CDYL: variants seen among roughly 807,000 people sequenced by gnomAD.
CDYL encodes chromodomain Y-like protein.
CDYL carries 8 observed loss-of-function variants against 47.3 expected under a neutral mutation model. The ratio of observed to expected loss-of-function variants is 0.17; its 90% CI spans 0.10 to 0.31. CDYL has a LOEUF of 0.31. Ranked by LOEUF, CDYL falls within the 10% of genes least tolerant of loss-of-function variation. The pLI is 1.00. For synonymous variants in CDYL, 266 were observed against 265.0 expected (o/e 1.00, Z -0.04); for missense variants, 471 against 701.4 (o/e 0.67, Z 3.71).
intron 1 of CDYL, among the ~76,000 whole-genome samples, chr6:4,835,883 A>G (rs1411012043): frequency 6.6e-6 from 1 of 152,222 alleles, no homozygotes; most frequent in African/African-American, 2.4e-5. Context: ...CCTCCGAGCC[A>G]GGTGCGGGAT....
At chr6:4,772,960 G>C (rs1212044962), upstream of CDYL, 1 of 365,408 alleles carries the variant, frequency 2.7e-6, no homozygotes, top group Non-Finnish European at 5.4e-6. Flanking sequence ...GCAGATTCTT[G>C]GGAGAAAGGA....
intron 1 of CDYL, chr6:4,714,103 G>A (rs1388114208): frequency 1.3e-5 from 2 of 152,152 alleles, no homozygotes; most frequent in African/African-American, 2.4e-5. Context: ...GAGGGTTGGA[G>A]AGTTAGGTCA....
chr6:4,798,727 A>G (rs974221465), intron 1 of CDYL, among the ~76,000 whole-genome samples: 1 of 152,188 alleles, frequency 6.6e-6, no homozygotes, highest in Non-Finnish European at 1.5e-5. Context: ...AATTGAATGT[A>G]TTGTACTGGT....
chr6:4,875,190 G>A (rs1240633667), intron 1 of CDYL, among the ~76,000 whole-genome samples: 2 of 152,216 alleles, frequency 1.3e-5, no homozygotes, highest in Admixed American at 6.5e-5. Context: ...CAGCACTGAC[G>A]TTTTTCTTTA....
At chr6:4,950,823 T>G (rs536482961) in intron 5 of CDYL, among the ~76,000 whole-genome samples, 2 of 151,388 alleles carry the variant, frequency 1.3e-5, no homozygotes, top group South Asian at 2.1e-4. Flanking sequence ...TCCCAGCTAC[T>G]CACGAGGCTG....
intron 2 of CDYL, among the ~76,000 whole-genome samples, chr6:4,924,951 G>A (rs888167637): frequency 6.6e-6 from 1 of 152,134 alleles, no homozygotes; most frequent in Non-Finnish European, 1.5e-5. Context: ...CAATAAATAC[G>A]ATACATTATC....
chr6:4,936,828 G>A (rs767211527), intron 3 of CDYL, among the ~76,000 whole-genome samples: 9 of 151,300 alleles, frequency 5.9e-5, no homozygotes, highest in Non-Finnish European at 1.0e-4. Flanking sequence ...TTATCTAAGA[G>A]CCGCAATTTG....
chr6:4,909,199 C>T (rs1302512330), intron 2 of CDYL, among the ~76,000 whole-genome samples: 2 of 152,126 alleles, frequency 1.3e-5, no homozygotes, highest in African/African-American at 2.4e-5. Context: ...AGAGAAGATA[C>T]ATTTATCATG....
intron 2 of CDYL, among the ~76,000 whole-genome samples, chr6:4,903,847 A>G (rs1343164789): frequency 6.6e-6 from 1 of 151,952 alleles, no homozygotes; most frequent in Non-Finnish European, 1.5e-5. Context: ...TTTCGGATTC[A>G]CTCTATGTCC....
rs139669280 is a variant in CDYL, at chr6:4,786,510, C to A, written c.24+9703C>A. On this transcript the variant is annotated intron_variant, in intron 1 of 6. Transcript: ENST00000397588. ...TAAATAAGATTTGAATTAAGTAGTT[C>A]AAAAAAAATTTAAAAAGTTTGTTTT... Among the ~76,000 whole-genome samples, 249 of 151,340 alleles carry A rather than the reference C, an allele frequency of 1.6e-3. 1 individual carries two copies. Among genetic ancestry groups the A allele is most frequent in the African/African-American group, 5.5e-3 (227 of 41,234 alleles).
At chr6:4,767,937 C>A (rs1396293141) in intron 3 of CDYL, among the ~76,000 whole-genome samples, 1 of 150,308 alleles carries the variant, frequency 6.7e-6, no homozygotes, top group Admixed American at 6.6e-5. Context: ...CTCCTCCAAC[C>A]ACTTTCTCTT....
At chr6:4,834,903 G>A (rs571611141) in intron 1 of CDYL, among the ~76,000 whole-genome samples, 125 of 151,978 alleles carry the variant, frequency 8.2e-4, no homozygotes, top group African/African-American at 2.9e-3. Flanking sequence ...CGTAGTTCTC[G>A]AGCCTTGGCT....
At chr6:4,720,789 A>G (rs1757352994) in intron 2 of CDYL, among the ~76,000 whole-genome samples, 1 of 152,192 alleles carries the variant, frequency 6.6e-6, no homozygotes, top group Non-Finnish European at 1.5e-5. Context: ...GCTGGAAAAT[A>G]ATATCTTGAA....
intron 2 of CDYL, among the ~76,000 whole-genome samples, chr6:4,898,459 T>C (rs1333576817): frequency 6.6e-6 from 1 of 152,196 alleles, no homozygotes; most frequent in Non-Finnish European, 1.5e-5. Context: ...GGCTTCCACA[T>C]GTGTTATCTT....
rs62386573 is a variant in CDYL, at chr6:4,792,147, C to T, written c.24+15340C>T. 5.3e-5 allele frequency among the ~76,000 whole-genome samples: 8 copies of T among 151,826 alleles called. No individual in the cohort carries two copies. In the East Asian group the frequency reaches 1.6e-3, roughly 30 times the overall value. On this transcript the variant is annotated intron_variant, in intron 1 of 6. Transcript: ENST00000397588. ...GACCTCGTGATCCACCCGCCTCGGC[C>T]TCCCAAGGTGCTGGGATTACAGATG...
intron 1 of CDYL, among the ~76,000 whole-genome samples, chr6:4,840,139 T>G (rs1305902605): frequency 6.6e-6 from 1 of 152,170 alleles, no homozygotes; most frequent in Non-Finnish European, 1.5e-5. Flanking sequence ...TTCACCTCCT[T>G]AGATCCACTC....
intron 4 of CDYL, among the ~76,000 whole-genome samples, chr6:4,942,962 C>A (rs1056228180): frequency 6.6e-6 from 1 of 152,178 alleles, no homozygotes; most frequent in Non-Finnish European, 1.5e-5. Context: ...TCTCTGTATC[C>A]CCCAGACTGT....
At chr6:4,829,647 T>C (rs1760078921) in intron 1 of CDYL, among the ~76,000 whole-genome samples, 2 of 152,210 alleles carry the variant, frequency 1.3e-5, no homozygotes, top group Admixed American at 1.3e-4. Flanking sequence ...TGTGGACTTG[T>C]TTGTATATCT....
chr6:4,825,002 C>CT (rs1427881170), intron 1 of CDYL, among the ~76,000 whole-genome samples: 5 of 152,046 alleles, frequency 3.3e-5, no homozygotes, highest in Non-Finnish European at 7.4e-5. Flanking sequence ...TCCTGAGTAG[C>CT]TGAGATTACA....
Sources: allele counts gnomAD v4.1 joint callset (sites outside exome capture counted in the v4.1 genomes callset), GRCh38; gene constraint gnomAD v4.1.1; transcripts MANE v1.5; gene names NCBI Gene and HGNC (gene_info 2026-07-23, HGNC 2026-07-21).